Variants in KLHL24 observed in about 807,000 individuals in gnomAD.
KLHL24 encodes kelch like family member 24, also known as kelch-like protein 24.
KLHL24 carries 29 observed loss-of-function variants against 53.4 expected under a neutral mutation model. The observed-to-expected ratio is 0.54, with a 90% CI of 0.40 to 0.74. KLHL24 has a LOEUF of 0.74. KLHL24 is among the 30% of genes least tolerant of loss of function. The probability of loss-of-function intolerance (pLI) is 0.00; values close to 1 mark genes in which losing one functional copy is unlikely to be tolerated. For missense variants in KLHL24, 504 were observed against 744.0 expected, an observed-to-expected ratio of 0.68 and a Z score of 3.75; for synonymous variants, 222 against 253.7, an observed-to-expected ratio of 0.88 and a Z score of 1.19.
intron 3 of KLHL24, among the ~76,000 whole-genome samples, chr3:183,652,233 G>A (rs1360772481): frequency 6.6e-6 from 1 of 152,100 alleles, no homozygotes; most frequent in Non-Finnish European, 1.5e-5. Context: ...TAGCATATTT[G>A]TATCTTCTTC....
Position 183,676,431 on chromosome 3 carries a change from G to A in KLHL24, c.1603-2655G>A, listed in dbSNP as rs142749862. Among the ~76,000 whole-genome samples, 132 of 152,288 alleles carry A rather than the reference G, an allele frequency of 8.7e-4. No homozygotes were observed. In the East Asian group the frequency reaches 0.014, roughly 17 times the overall value. ...GTTATTGATAGGTAATTTTTGAGCC[G>A]TGTGTGATTGTTTACCCTTTTAATG... On this transcript the variant is annotated intron_variant, in intron 7 of 7. Transcript: ENST00000242810.
chr3:183,641,587 T>C (rs1716457310), intron 1 of KLHL24, among the ~76,000 whole-genome samples: 1 of 151,984 alleles, frequency 6.6e-6, no homozygotes, highest in Admixed American at 6.6e-5. Context: ...TTTCTTTTCA[T>C]CTCCTGTGGT....
At chr3:183,668,572 G>A (rs1245257369) in intron 5 of KLHL24, among the ~76,000 whole-genome samples, 1 of 152,178 alleles carries the variant, frequency 6.6e-6, no homozygotes, top group African/African-American at 2.4e-5. Context: ...GCACTCCCCA[G>A]TGTAACTTAG....
At chr3:183,676,217 T>G (rs1272115983) in intron 7 of KLHL24, among the ~76,000 whole-genome samples, 1 of 152,210 alleles carries the variant, frequency 6.6e-6, no homozygotes, top group Non-Finnish European at 1.5e-5. Flanking sequence ...TGCCTCAGTC[T>G]CCCAAGTAGC....
intron 5 of KLHL24, among the ~76,000 whole-genome samples, chr3:183,668,944 A>T (rs1461654127): frequency 6.6e-6 from 1 of 152,042 alleles, no homozygotes; most frequent in East Asian, 1.9e-4. Context: ...ATGATGGAAT[A>T]ATGGAGAATA....
intron 2 of KLHL24, among the ~76,000 whole-genome samples, chr3:183,644,914 A>G (rs978535750): frequency 6.6e-6 from 1 of 152,214 alleles, no homozygotes; most frequent in Non-Finnish European, 1.5e-5. Context: ...TTTTCATTTA[A>G]ACATTGAGAA....
intron 1 of KLHL24, among the ~76,000 whole-genome samples, chr3:183,641,865 A>G (rs1716499191): frequency 6.6e-6 from 1 of 152,238 alleles, no homozygotes. Context: ...ACATATCTCC[A>G]TCAGACTTTG....
chr3:183,656,505 A>G (rs1282436857), intron 3 of KLHL24, among the ~76,000 whole-genome samples: 1 of 152,210 alleles, frequency 6.6e-6, no homozygotes, highest in Non-Finnish European at 1.5e-5. Flanking sequence ...GCTCAGAAAT[A>G]CTTTTGAACT....
At chr3:183,671,633 A>G (rs1721338854) in intron 6 of KLHL24, among the ~76,000 whole-genome samples, 1 of 152,214 alleles carries the variant, frequency 6.6e-6, no homozygotes, top group Non-Finnish European at 1.5e-5. Flanking sequence ...ATTTTTCAGA[A>G]AAAAGGAAAG....
intron 2 of KLHL24, among the ~76,000 whole-genome samples, chr3:183,644,939 C>T (rs1021971824): frequency 4.6e-5 from 7 of 152,146 alleles, no homozygotes; most frequent in Non-Finnish European, 7.3e-5. Flanking sequence ...AAAATGTATG[C>T]AGGAAGAAGC....
rs1717952372 is a variant in KLHL24 at position 183,650,323 on chromosome 3, T to C, written c.-34T>C. The C allele has an allele frequency of 3.9e-6, 6 of 1,534,468 alleles. No individual in the cohort carries two copies. The highest frequency in any genetic ancestry group is 5.3e-6 in the Non-Finnish European group (6 of 1,124,140). On this transcript the variant is annotated 5_prime_UTR_variant, in exon 3 of 8. Coordinates refer to ENST00000242810, the MANE Select transcript of KLHL24 (RefSeq NM_017644.3). This position sits in a 1 kb window ranked among gnomAD's most constrained non-coding sequence, Gnocchi z 4.5. ...ACATAAAGAAGATCCCTAATAGTCATTTCTCAACAATTATATAGTCAACTG... is the reference window on the plus strand; with the variant it reads ...ACATAAAGAAGATCCCTAATAGTCACTTCTCAACAATTATATAGTCAACTG...
At chr3:183,656,178 A>G (rs1718860272) in intron 3 of KLHL24, among the ~76,000 whole-genome samples, 1 of 151,218 alleles carries the variant, frequency 6.6e-6, no homozygotes, top group Non-Finnish European at 1.5e-5. Flanking sequence ...CTGGGACTAC[A>G]GGTGTACATC....
rs763143836 is a variant in KLHL24 at position 183,650,406 on chromosome 3, G to A, written c.50G>A (p.Arg17His). 1.9e-5 allele frequency: 31 copies of A among 1,613,974 alleles called. No individual in the cohort carries two copies. The highest frequency in any genetic ancestry group is 4.0e-5 in the African/African-American group (3 of 74,894). ...RRLNREDLGV[R>H]DSPATKRKVF... ...CTAAACAGAGAGGATCTTGGGGTGC[G>A]TGATTCCCCAGCAACTAAGCGAAAA... The change falls in exon 3 of 8, where the codon CGT becomes CAT. Residue 17 changes from arginine (R) to histidine (H), a missense_variant. By Grantham distance (29) the Arg-to-His change is conservative. Coordinates refer to ENST00000242810, the MANE Select transcript of KLHL24 (RefSeq NM_017644.3). The surrounding 1 kb of genome is among the most constrained non-coding windows in gnomAD (Gnocchi z 4.5).
intron 2 of KLHL24, among the ~76,000 whole-genome samples, chr3:183,649,006 A>C (rs1473259727): frequency 2.9e-5 from 2 of 69,370 alleles, no homozygotes; most frequent in East Asian, 1.4e-3. Context: ...TTGTTTCCAA[A>C]AAAAAAAAGA....
At chr3:183,674,243 T>TTTTTTC (rs1721762754) in intron 7 of KLHL24, among the ~76,000 whole-genome samples, 1 of 130,970 alleles carries the variant, frequency 7.6e-6, no homozygotes, top group African/African-American at 2.9e-5. Flanking sequence ...TTAGCATCAA[T>TTTTTTC]TTTCTTTCTT....
chr3:183,679,362 C>T lies in KLHL24; in HGVS notation c.*76C>T, dbSNP rs1712448726. The T allele has an allele frequency of 9.6e-7, 1 of 1,045,904 alleles. No homozygotes were observed. Among genetic ancestry groups the T allele is most frequent in the South Asian group, 1.3e-5 (1 of 74,298 alleles). 64.8% of individuals were successfully genotyped at this position (1,045,904 alleles called of 1,614,324 possible). A position where few individuals can be genotyped will look rare whatever the true frequency, so the allele number is the denominator to read the frequency against. ...TAAAAACTCTACAGTGGGAACTTCA[C>T]ATATCTCCTTTGTGCCATATGCAAA... On this transcript the variant is annotated 3_prime_UTR_variant, in exon 8 of 8. Transcript: ENST00000242810.
intron 2 of KLHL24, among the ~76,000 whole-genome samples, chr3:183,647,410 G>A (rs1408382835): frequency 2.0e-5 from 3 of 148,426 alleles, no homozygotes; most frequent in Admixed American, 6.7e-5. Flanking sequence ...GCGAGACTCC[G>A]TCTCAAAAAA....
chr3:183,661,534 A>G (rs1397814068), intron 3 of KLHL24, among the ~76,000 whole-genome samples: 1 of 152,254 alleles, frequency 6.6e-6, no homozygotes, highest in Non-Finnish European at 1.5e-5. Flanking sequence ...TGCAAATAGG[A>G]TATTTAATAC....
intron 5 of KLHL24, among the ~76,000 whole-genome samples, chr3:183,668,184 T>C (rs779710750): frequency 6.6e-6 from 1 of 151,876 alleles, no homozygotes; most frequent in Non-Finnish European, 1.5e-5. Flanking sequence ...ATATTATATA[T>C]AGTGTTTGAG....
Sources: gnomAD v4.1 joint callset for allele counts (sites outside exome capture counted in the v4.1 genomes callset) on GRCh38, gnomAD v4.1.1 for gene constraint, Gnocchi (gnomAD v3.1) non-coding constraint, MANE v1.5 for transcripts, NCBI Gene and HGNC (gene_info 2026-07-23, HGNC 2026-07-21) for gene names.